MACROD2: variants seen among roughly 807,000 people sequenced by gnomAD.
MACROD2 encodes ADP-ribose glycohydrolase MACROD2.
A neutral mutation model predicts 70.4 loss-of-function variants in MACROD2; 36 were observed. The ratio of observed to expected loss-of-function variants is 0.51; its 90% CI spans 0.39 to 0.68. The LOEUF (loss-of-function observed/expected upper bound fraction) is 0.68, where lower values mean the gene tolerates loss of function less well. Ranked by LOEUF, MACROD2 falls within the 30% of genes least tolerant of loss-of-function variation. MACROD2 has a pLI of 0.00. For synonymous variants in MACROD2, 172 were observed against 178.8 expected, an observed-to-expected ratio of 0.96 and a Z score of 0.30; for missense variants, 496 against 538.4, an observed-to-expected ratio of 0.92 and a Z score of 0.78.
intron 2 of MACROD2, among the ~76,000 whole-genome samples, chr20:14,028,494 C>T (rs375465145): frequency 1.2e-4 from 19 of 152,304 alleles, no homozygotes; most frequent in East Asian, 5.8e-4. Flanking sequence ...GCAGCTAGCT[C>T]GGTGTCTGCC....
intron 3 of MACROD2, chr20:14,325,599 G>A (rs746810464): frequency 1.9e-6 from 3 of 1,613,264 alleles, no homozygotes; most frequent in Non-Finnish European, 2.5e-6. Context: ...CACTGTCTCT[G>A]TAGCTTCGGT....
intron 5 of MACROD2, among the ~76,000 whole-genome samples, chr20:14,899,299 T>C (rs4814326): frequency 0.88 from 133,460 of 152,196 alleles, 58,538 homozygotes; most frequent in East Asian, 1. Flanking sequence ...TTTGCCCGGG[T>C]TGCCATAACA....
At chr20:14,122,923 G>A (rs2054604049) in intron 3 of MACROD2, among the ~76,000 whole-genome samples, 1 of 152,090 alleles carries the variant, frequency 6.6e-6, no homozygotes, top group Non-Finnish European at 1.5e-5. Context: ...CCGTTATACA[G>A]GATTAGAGAC....
intron 8 of MACROD2, among the ~76,000 whole-genome samples, chr20:15,560,950 T>C (rs2048236064): frequency 6.6e-6 from 1 of 152,058 alleles, no homozygotes; most frequent in African/African-American, 2.4e-5. Flanking sequence ...TGTTTCCAGA[T>C]GTCTAGATCT....
rs1423078093 is a variant in MACROD2, at chr20:16,031,320, A to T, written c.1154-9881A>T. Reference sequence around the variant, plus strand: ...ACTGTTTTCTTCCCTGAAAAGTTTGAGTATACTCACTGCTGGAGATTGCGG... The same window carrying T: ...ACTGTTTTCTTCCCTGAAAAGTTTGTGTATACTCACTGCTGGAGATTGCGG... On this transcript the variant is annotated intron_variant, in intron 15 of 17. Coordinates refer to ENST00000684519, the MANE Select transcript of MACROD2 (RefSeq NM_001351661.2). Among the ~76,000 whole-genome samples, 6 of 152,168 alleles carry T rather than the reference A, an allele frequency of 3.9e-5. No individual in the cohort carries two copies. The South Asian group carries it at 1.0e-3, about 26-fold the overall frequency.
intron 8 of MACROD2, among the ~76,000 whole-genome samples, chr20:15,708,979 C>G (rs1038742145): frequency 2.0e-5 from 3 of 152,050 alleles, no homozygotes; most frequent in African/African-American, 7.2e-5. Flanking sequence ...TGAGCTATGA[C>G]TGCACTCCAA....
chr20:14,614,203 CT>C (rs1481863859), intron 4 of MACROD2, among the ~76,000 whole-genome samples: 1 of 152,094 alleles, frequency 6.6e-6, no homozygotes, highest in Non-Finnish European at 1.5e-5. Context: ...ACCTTCTGCC[CT>C]TTCATTTCTT....
chr20:14,538,744 A>G (rs1036477137), intron 4 of MACROD2, among the ~76,000 whole-genome samples: 1 of 152,168 alleles, frequency 6.6e-6, no homozygotes, highest in Non-Finnish European at 1.5e-5. Context: ...GTCAGCTCAG[A>G]TGCTGCCTCC....
intron 2 of MACROD2, among the ~76,000 whole-genome samples, chr20:14,069,103 C>T (rs781606686): frequency 3.0e-4 from 45 of 152,130 alleles, no homozygotes; most frequent in Non-Finnish European, 6.2e-4. Flanking sequence ...CCCCCGCCAT[C>T]GTGCTCAGCT....
At chr20:15,607,953 T>C (rs889371085) in intron 8 of MACROD2, among the ~76,000 whole-genome samples, 2 of 152,218 alleles carry the variant, frequency 1.3e-5, no homozygotes, top group African/African-American at 2.4e-5. Context: ...AGAAGTGTCA[T>C]CTGAGTTGGG....
chr20:14,206,157 C>G (rs2081521383), intron 3 of MACROD2, among the ~76,000 whole-genome samples: 2 of 152,266 alleles, frequency 1.3e-5, no homozygotes, highest in Middle Eastern at 3.4e-3. Flanking sequence ...AGGGATATTG[C>G]AAAGTATCTT....
chr20:15,524,861 T>C (rs1204214593), intron 8 of MACROD2, among the ~76,000 whole-genome samples: 2 of 152,258 alleles, frequency 1.3e-5, no homozygotes, highest in African/African-American at 4.8e-5. Flanking sequence ...CACATGTGGC[T>C]GGTGGCTACC....
At chr20:14,280,587 T>C (rs190696568) in intron 3 of MACROD2, among the ~76,000 whole-genome samples, 105 of 152,296 alleles carry the variant, frequency 6.9e-4, no homozygotes, top group African/African-American at 2.4e-3. Flanking sequence ...TATCTCAAAG[T>C]TCTGAAGATT....
chr20:15,408,048 G>C (rs927703956), intron 6 of MACROD2, among the ~76,000 whole-genome samples: 2 of 152,190 alleles, frequency 1.3e-5, no homozygotes, highest in Non-Finnish European at 2.9e-5. Context: ...ACAGAACTCG[G>C]TGTGGTCATT....
At chr20:14,698,384 T>A (rs971285489) in intron 5 of MACROD2, among the ~76,000 whole-genome samples, 2 of 152,148 alleles carry the variant, frequency 1.3e-5, no homozygotes, top group Non-Finnish European at 2.9e-5. Context: ...ACAATCACCC[T>A]ACCCTCACAG....
intron 12 of MACROD2, among the ~76,000 whole-genome samples, chr20:15,963,517 C>G (rs1203290596): frequency 6.6e-6 from 1 of 152,154 alleles, no homozygotes; most frequent in Non-Finnish European, 1.5e-5. Flanking sequence ...TAACACATCT[C>G]TATATTTGCT....
chr20:14,406,634 C>T (rs1329476856), intron 3 of MACROD2, among the ~76,000 whole-genome samples: 2 of 152,104 alleles, frequency 1.3e-5, no homozygotes, highest in South Asian at 2.1e-4. Flanking sequence ...ACAGATGTTA[C>T]ATTCCTCAAG....
chr20:15,866,624 A>G (rs2064497324), intron 9 of MACROD2, among the ~76,000 whole-genome samples: 1 of 152,168 alleles, frequency 6.6e-6, no homozygotes, highest in Non-Finnish European at 1.5e-5. Context: ...GTTTTCTCAG[A>G]GCATCTTTAG....
intron 6 of MACROD2, among the ~76,000 whole-genome samples, chr20:15,420,616 A>G (rs558712136): frequency 8.2e-4 from 125 of 152,274 alleles, no homozygotes; most frequent in African/African-American, 2.8e-3. Context: ...AAATTGAATT[A>G]TTGACTATTC....
Sources: allele counts gnomAD v4.1 joint callset (sites outside exome capture counted in the v4.1 genomes callset), GRCh38; gene constraint gnomAD v4.1.1; transcripts MANE v1.5; gene names NCBI Gene and HGNC (gene_info 2026-07-23, HGNC 2026-07-21).